GLIS1: variants seen among roughly 807,000 people sequenced by gnomAD.
GLIS1 encodes the protein GLIS family zinc finger 1.
Under a neutral mutation model 63.8 loss-of-function variants are expected in GLIS1, and 24 were observed. That is an observed-to-expected ratio of 0.38 (90% CI 0.27 to 0.53). GLIS1 has a LOEUF of 0.53. Among genes scored for constraint, GLIS1 ranks in the 20% least tolerant of loss-of-function variants. GLIS1 has a pLI of 0.85. For synonymous variants in GLIS1, 450 were observed against 482.5 expected (o/e 0.93, Z 0.88); for missense variants, 1,036 against 1,074.1 (o/e 0.96, Z 0.50).
intron 4 of GLIS1, among the ~76,000 whole-genome samples, chr1:53,577,795 G>A (rs1223299502): frequency 6.6e-6 from 1 of 152,156 alleles, no homozygotes; most frequent in Non-Finnish European, 1.5e-5. Flanking sequence ...GAGTGGGGAT[G>A]CAGGGCTCAC....
Position 53,650,554 on chromosome 1 carries a change from C to T in GLIS1, c.260-50276G>A, listed in dbSNP as rs181007631. On this transcript the variant is annotated intron_variant, in intron 2 of 10. Transcript: ENST00000628545. The stretch of plus-strand genomic sequence containing the variant: ...GCAGTGAGCCAAGATCACGCCATTG[C>T]ACTCCAACCTGGGCAACAGAGTGAG... 1.7e-4 allele frequency among the ~76,000 whole-genome samples: 24 copies of T among 144,478 alleles called. 1 individual carries two copies. In the East Asian group the frequency reaches 5.0e-3, roughly 30 times the overall value. 94.8% of individuals were successfully genotyped at this position (144,478 alleles called of 152,430 possible). A position where few individuals can be genotyped will look rare whatever the true frequency, so the allele number is the denominator to read the frequency against.
intron 4 of GLIS1, among the ~76,000 whole-genome samples, chr1:53,590,201 G>T (rs771662119): frequency 7.9e-5 from 12 of 152,134 alleles, no homozygotes; most frequent in Admixed American, 1.3e-4. Context: ...TAAAAGGCAA[G>T]TACTATTATT....
intron 4 of GLIS1, among the ~76,000 whole-genome samples, chr1:53,532,236 C>T (rs1043394678): frequency 3.9e-5 from 6 of 152,196 alleles, no homozygotes; most frequent in Non-Finnish European, 8.8e-5. Flanking sequence ...GGGGAGGAGA[C>T]AGGAAGATGG....
intron 4 of GLIS1, among the ~76,000 whole-genome samples, chr1:53,545,690 C>T (rs867514993): frequency 6.6e-6 from 1 of 152,168 alleles, no homozygotes; most frequent in Non-Finnish European, 1.5e-5. Context: ...TACTTCTTTA[C>T]ATATTATACT....
rs551344450 is a variant in GLIS1 at position 53,615,095 on chromosome 1, T to C, written c.260-14817A>G. Among the ~76,000 whole-genome samples, 3 of 152,298 alleles carry C rather than the reference T, an allele frequency of 2.0e-5. No homozygotes were observed. The South Asian group carries it at 6.2e-4, about 32-fold the overall frequency. On this transcript the variant is annotated intron_variant, in intron 2 of 10. Coordinates refer to ENST00000628545, the MANE Select transcript of GLIS1 (RefSeq NM_001367484.1). Reference sequence around the variant, plus strand: ...AGAATGGGACTAGACGGTGGTCCTCTAACTCAGCACAGACCCTCCCCCAGG... The same window carrying C: ...AGAATGGGACTAGACGGTGGTCCTCCAACTCAGCACAGACCCTCCCCCAGG...
intron 4 of GLIS1, among the ~76,000 whole-genome samples, chr1:53,554,065 T>C (rs1304591366): frequency 6.6e-6 from 1 of 152,160 alleles, no homozygotes; most frequent in African/African-American, 2.4e-5. Flanking sequence ...TCCAGGCCCC[T>C]CGCCAGGGCC....
chr1:53,528,437 T>G (rs1644494173), intron 5 of GLIS1, among the ~76,000 whole-genome samples: 1 of 152,124 alleles, frequency 6.6e-6, no homozygotes, highest in Non-Finnish European at 1.5e-5. Flanking sequence ...TGACTCAGTC[T>G]CTTTGAGTCT....
intron 2 of GLIS1, among the ~76,000 whole-genome samples, chr1:53,640,906 C>A (rs1240732521): frequency 2.6e-5 from 4 of 151,954 alleles, no homozygotes; most frequent in African/African-American, 9.7e-5. Context: ...AGCAGGACTG[C>A]GAGATTAAGA....
chr1:53,506,392 A>C lies in GLIS1; in HGVS notation c.*227T>G. On this transcript the variant is annotated 3_prime_UTR_variant, in exon 11 of 11. Transcript: ENST00000628545. ...GGGAAGACAAGATCGAGGGAATGTT[A>C]CAGGGCCACAGATCCTGGCGGGCAC... The C allele has an allele frequency of 1.9e-6, 1 of 538,068 alleles. No homozygotes were observed. 33.3% of individuals were successfully genotyped at this position (538,068 alleles called of 1,614,324 possible).
At chr1:53,735,516 T>C (rs1646903965) in intron 2 of GLIS1, among the ~76,000 whole-genome samples, 1 of 152,230 alleles carries the variant, frequency 6.6e-6, no homozygotes, top group Non-Finnish European at 1.5e-5. Context: ...TTGCACATTC[T>C]TTATCACTAA....
chr1:53,561,549 C>G (rs933991342), intron 4 of GLIS1, among the ~76,000 whole-genome samples: 2 of 152,246 alleles, frequency 1.3e-5, no homozygotes, highest in Non-Finnish European at 2.9e-5. Context: ...CGCTCTGTGG[C>G]TGGCAAACAC....
chr1:53,668,156 A>AT (rs1646113813), intron 2 of GLIS1, among the ~76,000 whole-genome samples: 1 of 152,202 alleles, frequency 6.6e-6, no homozygotes, highest in Admixed American at 6.5e-5. Flanking sequence ...CAGAACTGAT[A>AT]TTTTAACAGC....
intron 4 of GLIS1, among the ~76,000 whole-genome samples, chr1:53,546,039 A>G (rs1569797755): frequency 6.6e-6 from 1 of 152,246 alleles, no homozygotes; most frequent in Admixed American, 6.5e-5. Context: ...AACTTGCCGA[A>G]GGGCAGGGGA....
chr1:53,661,259 G>C (rs1416312316), intron 2 of GLIS1, among the ~76,000 whole-genome samples: 3 of 152,142 alleles, frequency 2.0e-5, no homozygotes, highest in Non-Finnish European at 4.4e-5. Context: ...GTCAGGGAAG[G>C]CTTCTTGGAG....
intron 4 of GLIS1, among the ~76,000 whole-genome samples, chr1:53,587,832 G>C (rs949470377): frequency 7.2e-5 from 11 of 152,226 alleles, no homozygotes; most frequent in Admixed American, 7.2e-4. Context: ...ACAGCTTGCT[G>C]AATGAGTTTC....
intron 4 of GLIS1, among the ~76,000 whole-genome samples, chr1:53,561,217 G>C (rs942744324): frequency 6.6e-6 from 1 of 152,224 alleles, no homozygotes; most frequent in African/African-American, 2.4e-5. Context: ...TACACGGTAA[G>C]TGGGAGAGCT....
intron 2 of GLIS1, among the ~76,000 whole-genome samples, chr1:53,643,777 G>T (rs755920423): frequency 6.6e-6 from 1 of 152,156 alleles, no homozygotes; most frequent in African/African-American, 2.4e-5. Context: ...CAGCACCCCC[G>T]GGGTCTCCTA....
At position 53,657,430 on chromosome 1, in the gene GLIS1, C is replaced by T. The variant is rs557356925; in HGVS notation, c.260-57152G>A. On this transcript the variant is annotated intron_variant, in intron 2 of 10. Coordinates refer to ENST00000628545, the MANE Select transcript of GLIS1 (RefSeq NM_001367484.1). ...TCCCATTAAGAGGTTGGTCTGTTCC[C>T]CCGCCCCTTGGGTCTGGTGTGGCCT... Among the ~76,000 whole-genome samples the T allele has an allele frequency of 5.9e-5, 9 of 152,326 alleles. 1 individual carries two copies. In the South Asian group the frequency reaches 1.2e-3, roughly 21 times the overall value.
At chr1:53,604,309 G>A (rs1020652115) in intron 2 of GLIS1, among the ~76,000 whole-genome samples, 8 of 152,210 alleles carry the variant, frequency 5.3e-5, no homozygotes, top group South Asian at 2.1e-4. Flanking sequence ...GCAGGATGGC[G>A]TAGCCTAAAC....
Sources: allele counts gnomAD v4.1 joint callset (sites outside exome capture counted in the v4.1 genomes callset), GRCh38; gene constraint gnomAD v4.1.1; transcripts MANE v1.5; gene names NCBI Gene and HGNC (gene_info 2026-07-23, HGNC 2026-07-21).